The following ADAD1 variants were observed in gnomAD, a reference collection of about 807,000 sequenced individuals.
The protein encoded by ADAD1 is adenosine deaminase domain-containing protein 1.
Under a neutral mutation model 66.8 loss-of-function variants are expected in ADAD1, and 46 were observed. The ratio of observed to expected loss-of-function variants is 0.69; its 90% CI spans 0.54 to 0.88. The LOEUF (loss-of-function observed/expected upper bound fraction) is 0.88, where lower values mean the gene tolerates loss of function less well. ADAD1 is among the 40% of genes least tolerant of loss of function. The probability of loss-of-function intolerance (pLI) is 0.00; values close to 1 mark genes in which losing one functional copy is unlikely to be tolerated. For missense variants in ADAD1, 617 were observed against 681.8 expected, an observed-to-expected ratio of 0.91 and a Z score of 1.06; for synonymous variants, 248 against 229.4, an observed-to-expected ratio of 1.08 and a Z score of -0.73.
At chr4:122,405,703 C>T (rs1478452371) in intron 7 of ADAD1, among the ~76,000 whole-genome samples, 1 of 152,168 alleles carries the variant, frequency 6.6e-6, no homozygotes, top group Non-Finnish European at 1.5e-5. Context: ...TTTTACAACT[C>T]CAAGTTTGTA....
At chr4:122,410,926 G>C (rs1365571444) in intron 8 of ADAD1, among the ~76,000 whole-genome samples, 1 of 152,120 alleles carries the variant, frequency 6.6e-6, no homozygotes, top group Non-Finnish European at 1.5e-5. Context: ...AATCAGTAGA[G>C]AAATGAGTCT....
intron 7 of ADAD1, among the ~76,000 whole-genome samples, chr4:122,405,960 GTTTC>G (rs377489234): frequency 5.8e-4 from 88 of 152,120 alleles, no homozygotes; most frequent in African/African-American, 2.0e-3. Context: ...ATATGTCATG[GTTTC>G]TTTATCTGTT....
At chr4:122,381,434 G>A (rs1020035411) in intron 4 of ADAD1, among the ~76,000 whole-genome samples, 3 of 152,024 alleles carry the variant, frequency 2.0e-5, no homozygotes, top group Non-Finnish European at 2.9e-5. Context: ...TTAGTCTCAT[G>A]GACTATTTTG....
At chr4:122,390,892 G>C (rs1795402230) in intron 5 of ADAD1, among the ~76,000 whole-genome samples, 1 of 152,152 alleles carries the variant, frequency 6.6e-6, no homozygotes, top group South Asian at 2.1e-4. Context: ...ATTCAGTTAT[G>C]TGCCCTTGAT....
In ADAD1 at chr4:122,396,395, G is replaced by A. The variant is rs776138814; in HGVS notation, c.724+18G>A. 3.2e-6 allele frequency: 5 copies of A among 1,545,264 alleles called. No individual in the cohort carries two copies. In the East Asian group the frequency reaches 1.2e-4, roughly 36 times the overall value. On this transcript the variant is annotated intron_variant, in intron 7 of 12. Transcript: ENST00000296513. Reference sequence around the variant, plus strand: ...TGAAAGAGGTAAGTCCACATATTTGGGAAAAACTAATATTGTAATAATCTA... The same window carrying A: ...TGAAAGAGGTAAGTCCACATATTTGAGAAAAACTAATATTGTAATAATCTA...
At chr4:122,413,440 C>A (rs1301359343) in intron 10 of ADAD1, among the ~76,000 whole-genome samples, 2 of 152,052 alleles carry the variant, frequency 1.3e-5, no homozygotes, top group Non-Finnish European at 2.9e-5. Context: ...GAAAAAAATT[C>A]TCTTTCTTGA....
chr4:122,409,406 G>A (rs1796368577), intron 8 of ADAD1, among the ~76,000 whole-genome samples: 1 of 151,606 alleles, frequency 6.6e-6, no homozygotes, highest in African/African-American at 2.4e-5. Context: ...TAATTTTTGT[G>A]GGTACATAGT....
intron 11 of ADAD1, among the ~76,000 whole-genome samples, chr4:122,417,367 A>G (rs1388484963): frequency 1.3e-5 from 2 of 151,768 alleles, no homozygotes; most frequent in Non-Finnish European, 2.9e-5. Flanking sequence ...GCCAGAATAT[A>G]TAGTCTAAAT....
chr4:122,411,525 GC>G, intron 9 of ADAD1, 133 bp downstream of exon 9: 1 of 858,856 alleles, frequency 1.2e-6, no homozygotes, highest in Non-Finnish European at 1.7e-6. Context: ...GTTATTTGTG[GC>G]CTGCAGGAGA....
At chr4:122,382,537 C>G (rs2150527527) in intron 4 of ADAD1, among the ~76,000 whole-genome samples, 1 of 152,204 alleles carries the variant, frequency 6.6e-6, no homozygotes, top group Admixed American at 6.5e-5. Flanking sequence ...ACCCCAGCCT[C>G]CCAAATAGCT....
At position 122,422,039 on chromosome 4, in the gene ADAD1, G is replaced by T. The variant is rs192267964; in HGVS notation, c.1617+649G>T. Among the ~76,000 whole-genome samples the T allele has an allele frequency of 2.0e-5, 3 of 150,126 alleles. No individual in the cohort carries two copies. The East Asian group carries it at 5.9e-4, about 30-fold the overall frequency. On this transcript the variant is annotated intron_variant, in intron 12 of 12. Transcript: ENST00000296513. ...TTCTCATATATACGTATTTGTGTAT[G>T]TATCTGTTTAAAAATAAGGCCATAT...
intron 5 of ADAD1, among the ~76,000 whole-genome samples, chr4:122,392,902 T>C (rs1795520513): frequency 6.6e-6 from 1 of 152,224 alleles, no homozygotes; most frequent in Non-Finnish European, 1.5e-5. Flanking sequence ...CTTTGTTCAC[T>C]TCTGTCTTCC....
At chr4:122,390,663 A>G (rs190128800) in intron 5 of ADAD1, among the ~76,000 whole-genome samples, 1 of 152,148 alleles carries the variant, frequency 6.6e-6, no homozygotes, top group African/African-American at 2.4e-5. Flanking sequence ...ATACTTGTGT[A>G]TGCTTCACAA....
In ADAD1 at chr4:122,421,119, C is replaced by T. The variant is rs538759618; in HGVS notation, c.1488-142C>T. 14 of 458,178 alleles carry T rather than the reference C, an allele frequency of 3.1e-5. No homozygotes were observed. The South Asian group carries it at 9.1e-4, about 30-fold the overall frequency. The allele number at this position is 458,178 out of a possible 1,614,324, so 28.4% of individuals were successfully genotyped here. ...TTCAGAAAGTAAATATTAAGAATGC[C>T]TCTTATGTAAAAAAAAAATTACTAT... is the stretch of plus-strand genomic sequence containing the variant. On this transcript the variant is annotated intron_variant, in intron 11 of 12. Transcript: ENST00000296513.
chr4:122,405,942 C>T (rs1796189558), intron 7 of ADAD1, among the ~76,000 whole-genome samples: 1 of 151,882 alleles, frequency 6.6e-6, no homozygotes, highest in Non-Finnish European at 1.5e-5. Flanking sequence ...AAAAATATTC[C>T]ATTATATATA....
chr4:122,401,296 G>T (rs1477454463), intron 7 of ADAD1, among the ~76,000 whole-genome samples: 1 of 152,012 alleles, frequency 6.6e-6, no homozygotes, highest in Non-Finnish European at 1.5e-5. Flanking sequence ...CCATATACTT[G>T]TATAGTTTTG....
chr4:122,406,529 G>A (rs936294376), intron 7 of ADAD1, among the ~76,000 whole-genome samples: 4 of 151,960 alleles, frequency 2.6e-5, no homozygotes, highest in Non-Finnish European at 5.9e-5. Flanking sequence ...TTATTTTGTC[G>A]ATTATTTTGT....
At chr4:122,414,959 C>T (rs376667424) in intron 10 of ADAD1, among the ~76,000 whole-genome samples, 1 of 151,612 alleles carries the variant, frequency 6.6e-6, no homozygotes, top group East Asian at 1.9e-4. Context: ...ATTTGTGGCC[C>T]TTAGATGTTT....
chr4:122,390,718 C>T (rs1795391541), intron 5 of ADAD1, among the ~76,000 whole-genome samples: 1 of 152,108 alleles, frequency 6.6e-6, no homozygotes, highest in African/African-American at 2.4e-5. Context: ...AGTTTATGTT[C>T]CTCTCTACAC....
Sources: allele counts gnomAD v4.1 joint callset (sites outside exome capture counted in the v4.1 genomes callset), GRCh38; gene constraint gnomAD v4.1.1; transcripts MANE v1.5; gene names NCBI Gene and HGNC (gene_info 2026-07-23, HGNC 2026-07-21).